PAK2: variants seen among roughly 807,000 people sequenced by gnomAD.
The protein encoded by PAK2 is p21 (RAC1) activated kinase 2.
In PAK2, 21 loss-of-function variants were observed where a neutral mutation model predicts 65.9. The ratio of observed to expected loss-of-function variants is 0.32; its 90% CI spans 0.23 to 0.46. The LOEUF is 0.46. PAK2 is among the 20% of genes least tolerant of loss of function. The pLI is 1.00. For missense variants in PAK2, 324 were observed against 642.6 expected (o/e 0.50, Z 5.36); for synonymous variants, 204 against 219.7 (o/e 0.93, Z 0.63).
At chr3:196,794,289 G>A (rs1715173177) in intron 2 of PAK2, among the ~76,000 whole-genome samples, 2 of 152,106 alleles carry the variant, frequency 1.3e-5, no homozygotes, top group Non-Finnish European at 2.9e-5. Flanking sequence ...GAAGCACACT[G>A]GCTTCACTCA....
chr3:196,804,318 A>G (rs908587252), intron 4 of PAK2, among the ~76,000 whole-genome samples: 18 of 152,196 alleles, frequency 1.2e-4, no homozygotes, highest in African/African-American at 4.1e-4. Context: ...AAAAGGTCAC[A>G]CTTGCTCCTA....
At chr3:196,787,605 A>G (rs144549195) in intron 2 of PAK2, among the ~76,000 whole-genome samples, 83 of 151,300 alleles carry the variant, frequency 5.5e-4, no homozygotes, top group African/African-American at 1.8e-3. Context: ...AAAGAATTGT[A>G]TAGACTTTGT....
intron 1 of PAK2, among the ~76,000 whole-genome samples, chr3:196,755,820 A>C (rs1445115454): frequency 6.6e-6 from 1 of 150,818 alleles, no homozygotes; most frequent in African/African-American, 2.4e-5. Flanking sequence ...CAGCGGCATG[A>C]TCTTGGCTCA....
At chr3:196,805,748 GT>G (rs1257796694) in intron 5 of PAK2, among the ~76,000 whole-genome samples, 2 of 152,060 alleles carry the variant, frequency 1.3e-5, no homozygotes, top group African/African-American at 4.8e-5. Context: ...GTGCTGAACA[GT>G]TGAACCTTGT....
chr3:196,756,530 TAGG>T (rs1330592272), intron 1 of PAK2, among the ~76,000 whole-genome samples: 1 of 151,976 alleles, frequency 6.6e-6, no homozygotes, highest in Admixed American at 6.6e-5. Context: ...ATGAATAAAT[TAGG>T]AGTATTAGTA....
chr3:196,815,655 TACGC>T, intron 11 of PAK2, among the ~76,000 whole-genome samples: 1 of 151,684 alleles, frequency 6.6e-6, no homozygotes, highest in Admixed American at 6.6e-5. Context: ...GGTGTGGTGG[TACGC>T]GCCTGTAGTC....
intron 1 of PAK2, among the ~76,000 whole-genome samples, chr3:196,778,777 G>A (rs539180366): frequency 2.2e-4 from 33 of 152,148 alleles, no homozygotes; most frequent in African/African-American, 7.2e-4. Context: ...CTTGTTTTTC[G>A]TGTCCTTGAC....
At chr3:196,809,446 C>T (rs1222054210) in intron 7 of PAK2, among the ~76,000 whole-genome samples, 10 of 140,566 alleles carry the variant, frequency 7.1e-5, no homozygotes, top group Non-Finnish European at 1.5e-4. Context: ...CCAGTTCAAG[C>T]GTTTCTTCTG....
At chr3:196,765,278 G>T (rs1714126607) in intron 1 of PAK2, among the ~76,000 whole-genome samples, 2 of 151,494 alleles carry the variant, frequency 1.3e-5, no homozygotes, top group African/African-American at 4.9e-5. Context: ...CTCCTGAGTA[G>T]CTGGGATTAC....
intron 1 of PAK2, among the ~76,000 whole-genome samples, chr3:196,767,905 A>G (rs1433813446): frequency 6.6e-6 from 1 of 152,096 alleles, no homozygotes; most frequent in Non-Finnish European, 1.5e-5. Flanking sequence ...CGGTCTCATC[A>G]TATGGACTCT....
At chr3:196,771,976 C>G (rs1714375626) in intron 1 of PAK2, among the ~76,000 whole-genome samples, 1 of 152,172 alleles carries the variant, frequency 6.6e-6, no homozygotes, top group Admixed American at 6.5e-5. Context: ...TTTTAGCTTT[C>G]ATTTATTTTT....
chr3:196,831,720 AAAAC>A lies in PAK2; in HGVS notation c.*3319_*3322del, dbSNP rs1235026248. On this transcript the variant is annotated 3_prime_UTR_variant, in exon 15 of 15. Coordinates refer to ENST00000327134, the MANE Select transcript of PAK2 (RefSeq NM_002577.4). ...ATCAGGTAGTAGCTAAAATTAGAAA[AAAAC>A]AAAATAGATGCTTAAAGAATTTGCA... 6.6e-6 allele frequency: 1 copy of A among 152,250 alleles called. No homozygotes were observed. Among genetic ancestry groups the A allele is most frequent in the Non-Finnish European group, 1.5e-5 (1 of 68,044 alleles). The allele number at this position is 152,250 out of a possible 1,614,324, so 9.4% of individuals were successfully genotyped here.
At position 196,812,227 on chromosome 3, in the gene PAK2, G is replaced by A; in HGVS notation, c.782G>A (p.Gly261Asp). The A allele has an allele frequency of 6.3e-7, 1 of 1,584,104 alleles. No homozygotes were observed. The highest frequency in any genetic ancestry group is 8.7e-7 in the Non-Finnish European group (1 of 1,153,074). ...RYEKIGQGAS[G>D]TVFTATDVAL... ...GTGTTTTCTCCCTCTAGGGCTTCTG[G>A]TACAGTTTTCACTGCTACTGACGTT... Residue 261 changes from glycine (G) to aspartate (D), a missense_variant, in exon 9 of 15, where the codon GGT becomes GAT. Transcript: ENST00000327134.
At chr3:196,800,929 C>A (rs1383921820) in intron 2 of PAK2, among the ~76,000 whole-genome samples, 1 of 151,780 alleles carries the variant, frequency 6.6e-6, no homozygotes, top group African/African-American at 2.4e-5. Flanking sequence ...GAAGCGTAGG[C>A]ATGAGCTACT....
intron 1 of PAK2, among the ~76,000 whole-genome samples, chr3:196,759,525 T>TTTTTTTTTTTTTTG (rs1560092904): frequency 2.3e-5 from 3 of 131,626 alleles, no homozygotes; most frequent in Non-Finnish European, 3.2e-5. Flanking sequence ...TTTTTTTTTT[T>TTTTTTTTTTTTTTG]TTTTTTTTTT....
At chr3:196,804,315 C>T (rs543155726) in intron 4 of PAK2, among the ~76,000 whole-genome samples, 1 of 152,266 alleles carries the variant, frequency 6.6e-6, no homozygotes, top group South Asian at 2.1e-4. Flanking sequence ...AGGAAAAGGT[C>T]ACACTTGCTC....
At chr3:196,802,848 AAAAAG>A (rs1268446701) in intron 3 of PAK2, among the ~76,000 whole-genome samples, 164 bp from the exon 4 acceptor site, 1 of 152,120 alleles carries the variant, frequency 6.6e-6, no homozygotes, top group Non-Finnish European at 1.5e-5. Context: ...TCTGTCTCAA[AAAAAG>A]AAAAAAGAAA....
intron 1 of PAK2, among the ~76,000 whole-genome samples, chr3:196,749,131 G>A (rs1713485998): frequency 1.3e-5 from 2 of 151,178 alleles, no homozygotes; most frequent in Admixed American, 6.6e-5. Context: ...ACCTTATTCT[G>A]CTTGTCCATT....
At chr3:196,774,065 A>G (rs1441963883) in intron 1 of PAK2, among the ~76,000 whole-genome samples, 2 of 152,174 alleles carry the variant, frequency 1.3e-5, no homozygotes. Context: ...ATCTGTGGAC[A>G]CAGTATGGTA....
Sources: allele counts gnomAD v4.1 joint callset (sites outside exome capture counted in the v4.1 genomes callset), GRCh38; gene constraint gnomAD v4.1.1; transcripts MANE v1.5; gene names NCBI Gene and HGNC (gene_info 2026-07-23, HGNC 2026-07-21).